Variants in PIK3R2 observed in about 807,000 individuals in gnomAD.
PIK3R2 encodes phosphatidylinositol 3-kinase regulatory subunit beta.
A neutral mutation model predicts 78.5 loss-of-function variants in PIK3R2; 40 were observed. The observed-to-expected ratio is 0.51, with a 90% CI of 0.40 to 0.66. The LOEUF is 0.66. PIK3R2 is among the 30% of genes least tolerant of loss of function. The probability of loss-of-function intolerance (pLI) is 0.00; values close to 1 mark genes in which losing one functional copy is unlikely to be tolerated. For synonymous variants in PIK3R2, 473 were observed against 457.7 expected, an observed-to-expected ratio of 1.03 and a Z score of -0.43; for missense variants, 880 against 1,026.6, an observed-to-expected ratio of 0.86 and a Z score of 1.95.
At position 18,155,968 on chromosome 19, in the gene PIK3R2, T is replaced by G; in HGVS notation, c.89T>G (p.Val30Gly). ...GACCTGGAGCTGCTGCCCGGCGACG[T>G]GCTGGTAGTGAGCCGGGCGGCCTTG... ...PEDLELLPGD[V>G]LVVSRAALQA... The change falls in exon 2 of 16, where the codon GTG (valine) becomes GGG (glycine). Residue 30 changes from valine (V) to glycine (G), a missense_variant. By Grantham distance (109) the Val-to-Gly change is moderately radical (BLOSUM62 -3). Around this residue, in one of 3 missense-constraint regions of PIK3R2, gnomAD observed 456 missense variants for 486.6 expected, o/e 0.94. Transcript: ENST00000222254. 6.4e-7 allele frequency: 1 copy of G among 1,565,880 alleles called. No homozygotes were observed. Among genetic ancestry groups the G allele is most frequent in the Non-Finnish European group, 8.7e-7 (1 of 1,155,748 alleles).
chr19:18,154,116 C>T (rs371875331), intron 1 of PIK3R2, among the ~76,000 whole-genome samples: 1 of 152,258 alleles, frequency 6.6e-6, no homozygotes, highest in South Asian at 2.1e-4. Context: ...TTGCATGTGC[C>T]GTTCCGTCTG....
chr19:18,155,782 C>G lies in PIK3R2; in HGVS notation c.-98C>G. The G allele has an allele frequency of 6.8e-6, 8 of 1,168,034 alleles. No homozygotes were observed. The highest frequency in any genetic ancestry group is 9.4e-6 in the Non-Finnish European group (8 of 855,018). 72.4% of individuals were successfully genotyped at this position (1,168,034 alleles called of 1,614,324 possible). ...AGATAGAGGTCCCAGCACCCCAAGCCAACCCAGCGGACCCTCCCAGCCCTG... is the reference window on the plus strand; with the variant it reads ...AGATAGAGGTCCCAGCACCCCAAGCGAACCCAGCGGACCCTCCCAGCCCTG... On this transcript the variant is annotated 5_prime_UTR_variant, in exon 2 of 16. Coordinates refer to ENST00000222254, the MANE Select transcript of PIK3R2 (RefSeq NM_005027.4).
At position 18,168,840 on chromosome 19, in the gene PIK3R2, T is replaced by G. The variant is rs749442076; in HGVS notation, c.1923T>G (p.Asp641Glu). 6.2e-7 allele frequency: 1 copy of G among 1,613,816 alleles called. No individual in the cohort carries two copies. The highest frequency in any genetic ancestry group is 8.5e-7 in the Non-Finnish European group (1 of 1,179,906). ...AGGAGATGCTGAGTGGCAAGCGGGA[T>G]GGCACCTTCCTCATCCGCGAGAGCA... ...QAEEMLSGKR[D>E]GTFLIRESSQ... Residue 641 changes from aspartate (D) to glutamate (E), a missense_variant, in exon 15 of 16, where the codon GAT becomes GAG. Transcript: ENST00000222254. The surrounding 1 kb of genome is among the most constrained non-coding windows in gnomAD (Gnocchi z 4.1).
intron 11 of PIK3R2, among the ~76,000 whole-genome samples, chr19:18,164,187 G>T (rs934516438): frequency 1.3e-5 from 2 of 152,014 alleles, no homozygotes; most frequent in Non-Finnish European, 2.9e-5. Context: ...AACCAAAAAA[G>T]GACAGATGAG....
Position 18,163,159 on chromosome 19 carries a change from C to T in PIK3R2, c.1290+12C>T, listed in dbSNP as rs551937068. 30 of 1,613,644 alleles carry T rather than the reference C, an allele frequency of 1.9e-5. No homozygotes were observed. In the African/African-American group the frequency reaches 3.5e-4, roughly 19 times the overall value. ...CCAAATACCAGCAGGTCCGTGCTGG[C>T]CTGGGAGCCAGGGAGGGTAGCACCT... On this transcript the variant is annotated intron_variant, in intron 10 of 15. Transcript: ENST00000222254.
Position 18,161,281 on chromosome 19 carries a change from G to A in PIK3R2, c.601G>A (p.Ala201Thr), listed in dbSNP as rs2147950491. The stretch of plus-strand genomic sequence containing the variant: ...CTGCCCTGGCCATCTGTCCGCAGAG[G>A]CCGCGGGGCCCGTGGGGCCGGCGCT... ...SAEARRALRE[A>T]AGPVGPALEP... The change falls in exon 6 of 16, where the codon GCC (alanine) becomes ACC (threonine). Residue 201 changes from alanine to threonine, a missense_variant and splice_region_variant. Around this residue, in one of 3 missense-constraint regions of PIK3R2, gnomAD observed 456 missense variants for 486.6 expected, o/e 0.94. Coordinates refer to ENST00000222254, the MANE Select transcript of PIK3R2 (RefSeq NM_005027.4). This position sits in a 1 kb window ranked among gnomAD's most constrained non-coding sequence, Gnocchi z 5.3. The A allele has an allele frequency of 7.2e-7, 1 of 1,393,880 alleles. No individual in the cohort carries two copies. The highest frequency in any genetic ancestry group is 9.2e-7 in the Non-Finnish European group (1 of 1,082,236). 86.3% of individuals were successfully genotyped at this position (1,393,880 alleles called of 1,614,324 possible). A position where few individuals can be genotyped will look rare whatever the true frequency, so the allele number is the denominator to read the frequency against.
rs993129607 is a variant in PIK3R2 at position 18,155,725 on chromosome 19, G to A, written c.-155G>A. 2 of 611,100 alleles carry A rather than the reference G, an allele frequency of 3.3e-6. No homozygotes were observed. The highest frequency in any genetic ancestry group is 2.0e-5 in the South Asian group (1 of 49,248). The allele number at this position is 611,100 out of a possible 1,614,324, so 37.9% of individuals were successfully genotyped here. A position where few individuals can be genotyped will look rare whatever the true frequency, so the allele number is the denominator to read the frequency against. ...CATGGAATAATTTGAAGCGAGGCATGAGCGGCCCCTGTGGTCGCCTGTGAC... is the reference window on the plus strand; with the variant it reads ...CATGGAATAATTTGAAGCGAGGCATAAGCGGCCCCTGTGGTCGCCTGTGAC... On this transcript the variant is annotated 5_prime_UTR_variant, in exon 2 of 16. The change abolishes an upstream ATG in the 5' untranslated region. Transcript: ENST00000222254.
chr19:18,157,185 G>A (rs116536251), intron 2 of PIK3R2, among the ~76,000 whole-genome samples: 3,381 of 152,332 alleles, frequency 0.022, 120 homozygotes, highest in African/African-American at 0.075. Flanking sequence ...GGGTGCTGAG[G>A]TGGTGCGACG....
At chr19:18,158,949 C>T (rs889778876) in intron 2 of PIK3R2, among the ~76,000 whole-genome samples, 3 of 152,006 alleles carry the variant, frequency 2.0e-5, no homozygotes, top group Non-Finnish European at 4.4e-5. Context: ...TCAAGCGATT[C>T]TCCTGCCTCA....
intron 1 of PIK3R2, among the ~76,000 whole-genome samples, chr19:18,154,673 A>C (rs1355847367): frequency 6.6e-6 from 1 of 152,098 alleles, no homozygotes; most frequent in Admixed American, 6.6e-5. Context: ...AACTGGGCCA[A>C]GTCGGCAGAT....
Position 18,161,433 on chromosome 19 carries a change from GC to G in PIK3R2, c.755del (p.Pro252ArgfsTer89). 2 of 1,212,670 alleles carry G rather than the reference GC, an allele frequency of 1.6e-6. No individual in the cohort carries two copies. The highest frequency in any genetic ancestry group is 2.0e-6 in the Non-Finnish European group (2 of 977,904). 75.1% of individuals were successfully genotyped at this position (1,212,670 alleles called of 1,614,324 possible). ...AVRALGATFGPLLLRAPPPPS... is the reference protein window; with the variant it reads ...AVRALGATFGXLLLRAPPPPS... ...TCCGGGCCCTGGGCGCCACCTTTGG[GC>G]CGCTGCTGCTGCGCGCGCCGCCGCC... is the stretch of plus-strand genomic sequence containing the variant. On this transcript the variant is annotated frameshift_variant, in exon 6 of 16. Transcript: ENST00000222254. LOFTEE classifies it high-confidence loss of function. The surrounding 1 kb of genome is among the most constrained non-coding windows in gnomAD (Gnocchi z 5.3).
intron 2 of PIK3R2, among the ~76,000 whole-genome samples, chr19:18,157,444 C>G (rs1017398452): frequency 2.0e-5 from 3 of 152,334 alleles, no homozygotes; most frequent in South Asian, 4.1e-4. Context: ...CCCGCCCCCT[C>G]GAGGCCTCAG....
rs1420579066 is a variant in PIK3R2, at chr19:18,161,596, G to A, written c.815+101G>A. On this transcript the variant is annotated intron_variant, in intron 6 of 15. Transcript: ENST00000222254. This position sits in a 1 kb window ranked among gnomAD's most constrained non-coding sequence, Gnocchi z 5.3. ...CGGCGTCTAGACCCTAAGAAGGGAGGGGATGGGGTCCAGAGTGAGAAGCTG... is the reference window on the plus strand; with the variant it reads ...CGGCGTCTAGACCCTAAGAAGGGAGAGGATGGGGTCCAGAGTGAGAAGCTG... 8.7e-6 allele frequency: 4 copies of A among 457,804 alleles called. No individual in the cohort carries two copies. The highest frequency in any genetic ancestry group is 1.4e-5 in the Non-Finnish European group (4 of 282,832). The allele number at this position is 457,804 out of a possible 1,614,324, so 28.4% of individuals were successfully genotyped here.
Position 18,160,484 on chromosome 19 carries a change from C to T in PIK3R2, c.336C>T (p.Pro112=), listed in dbSNP as rs148843363. Residue 112 remains proline, a synonymous_variant, in exon 3 of 16, where the codon CCC becomes CCT. Transcript: ENST00000222254. The part of the protein sequence containing the change: ...DGAPEPGLTL[P]DLPEQFSPPD... ...TTCCCCCACCAGGCCTCACACTCCC[C>T]GACTTGCCCGAGCAGTTCTCCCCAC... is the stretch of plus-strand genomic sequence containing the variant. The T allele has an allele frequency of 1.2e-5, 19 of 1,613,016 alleles. No homozygotes were observed. In the African/African-American group the frequency reaches 1.5e-4, roughly 12 times the overall value.
Position 18,167,224 on chromosome 19 carries a change from G to C in PIK3R2, c.1654G>C (p.Asp552His), listed in dbSNP as rs2147957752. 3 of 1,612,182 alleles carry C rather than the reference G, an allele frequency of 1.9e-6. No homozygotes were observed. The highest frequency in any genetic ancestry group is 2.5e-6 in the Non-Finnish European group (3 of 1,179,262). The change falls in exon 13 of 16, where the codon GAC becomes CAC. Residue 552 changes from aspartate to histidine, a missense_variant. Physicochemically the swap from Asp to His is moderately conservative, Grantham distance 81. Coordinates refer to ENST00000222254, the MANE Select transcript of PIK3R2 (RefSeq NM_005027.4). This position sits in a 1 kb window ranked among gnomAD's most constrained non-coding sequence, Gnocchi z 4.5. ...LEQQLRAQAS[D>H]NREIDKRMNS... ...GCAGCAGCTGCGGGCCCAGGCCTCG[G>C]ACAACAGAGAGATCGACAAGCGCAT...
At chr19:18,162,832 G>T (rs1455583945) in intron 9 of PIK3R2, 135 bp from the exon 10 acceptor site, 1 of 751,660 alleles carries the variant, frequency 1.3e-6, no homozygotes. Flanking sequence ...GGAGGTTGCA[G>T]TGAGCCGAAA....
In PIK3R2 at chr19:18,162,389, A is replaced by G. The variant is rs373122934; in HGVS notation, c.1011-19A>G. 1.3e-4 allele frequency: 215 copies of G among 1,611,256 alleles called. 1 individual carries two copies. The highest frequency in any genetic ancestry group is 8.0e-5 in the African/African-American group (6 of 74,806). On this transcript the variant is annotated intron_variant, in intron 8 of 15. Transcript: ENST00000222254. ...GTCTCCAGGTGGCTCGGCAGTCCCA[A>G]TGTTGGATGTTCCCACAGGGAGGAG...
rs1331352411 is a variant in PIK3R2 at position 18,169,603 on chromosome 19, C to G, written c.*309C>G. ...CTCCATGGCTCTGGTCACCCTGACCCTCTGCCCTGCCCACCGCAGGTCCCC... is the reference window on the plus strand; with the variant it reads ...CTCCATGGCTCTGGTCACCCTGACCGTCTGCCCTGCCCACCGCAGGTCCCC... On this transcript the variant is annotated 3_prime_UTR_variant, in exon 16 of 16. Transcript: ENST00000222254. 1 of 278,316 alleles carries G rather than the reference C, an allele frequency of 3.6e-6. No homozygotes were observed. The highest frequency in any genetic ancestry group is 2.2e-5 in the African/African-American group (1 of 45,328). The allele number at this position is 278,316 out of a possible 1,614,324, so 17.2% of individuals were successfully genotyped here. A position where few individuals can be genotyped will look rare whatever the true frequency, so the allele number is the denominator to read the frequency against.
chr19:18,168,892 G>T lies in PIK3R2; in HGVS notation c.1975G>T (p.Val659Leu). 6.2e-7 allele frequency: 1 copy of T among 1,611,936 alleles called. No homozygotes were observed. The highest frequency in any genetic ancestry group is 8.5e-7 in the Non-Finnish European group (1 of 1,179,092). ...SSQRGCYACSVVVDGDTKHCV... is the reference protein window; with the variant it reads ...SSQRGCYACSLVVDGDTKHCV... ...CCAGCGGGGCTGCTACGCCTGCTCC[G>T]TGGTGTGAGTGGACCGCAGCGGTGG... is the stretch of plus-strand genomic sequence containing the variant. Residue 659 changes from valine (V) to leucine (L), a missense_variant, in exon 15 of 16, where the codon GTG (valine) becomes TTG (leucine). This residue lies in a region of PIK3R2 where 268 missense variants were observed against 299.1 expected (regional missense o/e 0.90). Coordinates refer to ENST00000222254, the MANE Select transcript of PIK3R2 (RefSeq NM_005027.4). The surrounding 1 kb of genome is among the most constrained non-coding windows in gnomAD (Gnocchi z 4.1).
Sources: allele counts gnomAD v4.1 joint callset (sites outside exome capture counted in the v4.1 genomes callset), GRCh38; gene constraint gnomAD v4.1.1; regional missense constraint gnomAD v4.1.1; non-coding constraint Gnocchi (gnomAD v3.1); transcripts MANE v1.5; gene names NCBI Gene and HGNC (gene_info 2026-07-23, HGNC 2026-07-21).